Variants in PCDHA11 observed in about 807,000 individuals in gnomAD.
The protein encoded by PCDHA11 is protocadherin alpha-11.
In PCDHA11, 61 loss-of-function variants were observed where a neutral mutation model predicts 70.3. The ratio of observed to expected loss-of-function variants is 0.87; its 90% CI spans 0.71 to 1.07. The LOEUF is 1.07. PCDHA11 is among the 50% of genes least tolerant of loss of function. The pLI is 0.00. For missense variants in PCDHA11, 1,324 were observed against 1,237.5 expected (o/e 1.07, Z -1.05); for synonymous variants, 633 against 555.1 (o/e 1.14, Z -1.97).
chr5:140,908,999 T>C (rs1221174156), intron 1 of PCDHA11, among the ~76,000 whole-genome samples: 1 of 152,190 alleles, frequency 6.6e-6, no homozygotes, highest in Non-Finnish European at 1.5e-5. Context: ...GAAATTTTAC[T>C]GAGGTAGAAG....
chr5:140,909,011 T>G (rs998704146), intron 1 of PCDHA11, among the ~76,000 whole-genome samples: 1 of 152,170 alleles, frequency 6.6e-6, no homozygotes, highest in Non-Finnish European at 1.5e-5. Flanking sequence ...AGGTAGAAGG[T>G]TCCTGAATTT....
At chr5:140,946,287 A>G (rs1484519782) in intron 1 of PCDHA11, among the ~76,000 whole-genome samples, 1 of 152,032 alleles carries the variant, frequency 6.6e-6, no homozygotes, top group African/African-American at 2.4e-5. Flanking sequence ...ATGAGATATC[A>G]CCTCACACCT....
intron 1 of PCDHA11, among the ~76,000 whole-genome samples, chr5:140,908,375 G>C (rs922545563): frequency 6.6e-6 from 1 of 152,174 alleles, no homozygotes; most frequent in Non-Finnish European, 1.5e-5. Context: ...TTCAGGACCT[G>C]CTCGAGCCCG....
chr5:140,943,737 C>T (rs551964655), intron 1 of PCDHA11, among the ~76,000 whole-genome samples: 12 of 152,258 alleles, frequency 7.9e-5, no homozygotes, highest in African/African-American at 2.9e-4. Context: ...TGAAAGTCCA[C>T]AGTCTAAAAG....
intron 1 of PCDHA11, chr5:140,882,379 G>A (rs782537158): frequency 1.9e-6 from 3 of 1,614,230 alleles, no homozygotes; most frequent in South Asian, 1.1e-5. Context: ...CCGTCCCCGA[G>A]GAAGCAAAAC....
chr5:140,912,380 G>T (rs2075901164), intron 1 of PCDHA11, among the ~76,000 whole-genome samples: 1 of 150,372 alleles, frequency 6.7e-6, no homozygotes, highest in African/African-American at 2.4e-5. Flanking sequence ...AAAAGGGATT[G>T]AGTTCTTAAT....
intron 1 of PCDHA11, among the ~76,000 whole-genome samples, chr5:140,958,321 AAAAT>A: frequency 1.3e-5 from 2 of 152,256 alleles, no homozygotes; most frequent in Middle Eastern, 6.8e-3. Context: ...TAGAGCTCAA[AAAAT>A]AAATAAATCA....
chr5:140,885,319 T>C (rs2060561832), intron 1 of PCDHA11, among the ~76,000 whole-genome samples: 1 of 152,216 alleles, frequency 6.6e-6, no homozygotes, highest in Admixed American at 6.5e-5. Context: ...TGTTATTATT[T>C]CTTTTCCAAA....
intron 1 of PCDHA11, among the ~76,000 whole-genome samples, chr5:140,923,228 C>A (rs2338302): frequency 1.4e-5 from 1 of 71,808 alleles, no homozygotes; most frequent in South Asian, 4.8e-4. Context: ...TCGTTTGAGC[C>A]CAGAAGTTTG....
At chr5:140,883,343 A>G in intron 1 of PCDHA11, 1 of 1,614,142 alleles carries the variant, frequency 6.2e-7, no homozygotes, top group Non-Finnish European at 8.5e-7. Context: ...GTCACTCCCC[A>G]TCAGAGAAGA....
chr5:141,004,101 T>C (rs2098153096), intron 3 of PCDHA11, among the ~76,000 whole-genome samples: 1 of 152,220 alleles, frequency 6.6e-6, no homozygotes, highest in Admixed American at 6.5e-5. Flanking sequence ...TCCGTTTTCA[T>C]CTTCTTCAAA....
chr5:140,925,822 T>C (rs1554202964), intron 1 of PCDHA11, among the ~76,000 whole-genome samples: 1 of 152,156 alleles, frequency 6.6e-6, no homozygotes, highest in African/African-American at 2.4e-5. Flanking sequence ...ACGTCTTCTT[T>C]GGGGACGGGT....
At chr5:141,002,733 G>T (rs556024108) in intron 3 of PCDHA11, among the ~76,000 whole-genome samples, 1 of 152,314 alleles carries the variant, frequency 6.6e-6, no homozygotes, top group Admixed American at 6.5e-5. Context: ...CACAGTAAAT[G>T]TTAACTACAT....
At chr5:140,880,861 T>C (rs1416708298) in intron 1 of PCDHA11, among the ~76,000 whole-genome samples, 1 of 152,188 alleles carries the variant, frequency 6.6e-6, no homozygotes, top group African/African-American at 2.4e-5. Context: ...AGTCTAATTA[T>C]GTGAAGAGGT....
intron 1 of PCDHA11, among the ~76,000 whole-genome samples, chr5:140,933,412 A>G (rs1466318521): frequency 2.6e-5 from 4 of 152,066 alleles, no homozygotes; most frequent in Non-Finnish European, 5.9e-5. Flanking sequence ...ATCTACAGAT[A>G]TTCTGTGTTC....
chr5:140,926,703 C>G (rs2083476417), intron 1 of PCDHA11: 2 of 835,304 alleles, frequency 2.4e-6, no homozygotes, highest in Admixed American at 7.4e-5. Context: ...CGGCTCCCAG[C>G]TGGCCAGCCC....
In PCDHA11 at chr5:141,010,093, T is replaced by A. The variant is rs2098416026; in HGVS notation, c.*156T>A. On this transcript the variant is annotated 3_prime_UTR_variant, in exon 4 of 4. Transcript: ENST00000398640. The stretch of plus-strand genomic sequence containing the variant: ...TTCCCTGTGTCTGTCTAGAACGCAT[T>A]TAACAGGTTTTGTCGTAAAAGCTTT... 4 of 1,612,692 alleles carry A rather than the reference T, an allele frequency of 2.5e-6. No homozygotes were observed. Among genetic ancestry groups the A allele is most frequent in the Non-Finnish European group, 3.4e-6 (4 of 1,179,392 alleles).
At position 140,995,103 on chromosome 5, in the gene PCDHA11, C is replaced by T. The variant is rs535399594; in HGVS notation, c.2539+12540C>T. Reference sequence around the variant, plus strand: ...CAAACTTATCTGTGGAGATACATTCCAAGACCCTCAGTGGATGCCTGAAAC... The same window carrying T: ...CAAACTTATCTGTGGAGATACATTCTAAGACCCTCAGTGGATGCCTGAAAC... On this transcript the variant is annotated intron_variant, in intron 3 of 3. Coordinates refer to ENST00000398640, the MANE Select transcript of PCDHA11 (RefSeq NM_018902.5). 1.1e-4 allele frequency among the ~76,000 whole-genome samples: 16 copies of T among 152,290 alleles called. No individual in the cohort carries two copies. In the South Asian group the frequency reaches 2.9e-3, roughly 28 times the overall value.
intron 1 of PCDHA11, among the ~76,000 whole-genome samples, chr5:140,909,491 A>T (rs1031839388): frequency 1.3e-5 from 2 of 152,218 alleles, no homozygotes; most frequent in Non-Finnish European, 2.9e-5. Flanking sequence ...GGAGAGCTGA[A>T]CGGGGATGTG....
Sources: gnomAD v4.1 joint callset for allele counts (sites outside exome capture counted in the v4.1 genomes callset) on GRCh38, gnomAD v4.1.1 for gene constraint, MANE v1.5 for transcripts, NCBI Gene and HGNC (gene_info 2026-07-23, HGNC 2026-07-21) for gene names.